Variants in ERBB4 observed in about 807,000 individuals in gnomAD.
The protein encoded by ERBB4 is receptor tyrosine-protein kinase erbB-4.
ERBB4 carries 42 observed loss-of-function variants against 158.0 expected under a neutral mutation model. The ratio of observed to expected loss-of-function variants is 0.27; its 90% CI spans 0.21 to 0.34. ERBB4 has a LOEUF of 0.34. ERBB4 is among the 10% of genes least tolerant of loss of function. ERBB4 has a pLI of 1.00. For missense variants in ERBB4, 1,333 were observed against 1,624.1 expected, an observed-to-expected ratio of 0.82 and a Z score of 3.08; for synonymous variants, 583 against 558.7, an observed-to-expected ratio of 1.04 and a Z score of -0.61.
intron 12 of ERBB4, among the ~76,000 whole-genome samples, chr2:211,691,391 G>A (rs910939126): frequency 6.6e-6 from 1 of 152,088 alleles, no homozygotes; most frequent in African/African-American, 2.4e-5. Context: ...AGGCATAAAA[G>A]CATATCCCTG....
At chr2:211,713,149 T>C (rs1307096582) in intron 8 of ERBB4, among the ~76,000 whole-genome samples, 1 of 152,188 alleles carries the variant, frequency 6.6e-6, no homozygotes, top group Non-Finnish European at 1.5e-5. Context: ...TCTGGATCTC[T>C]TTTTATGCTT....
At chr2:212,220,095 T>G (rs921807275) in intron 1 of ERBB4, among the ~76,000 whole-genome samples, 10 of 151,280 alleles carry the variant, frequency 6.6e-5, no homozygotes, top group Non-Finnish European at 1.2e-4. Context: ...GGATAATAAA[T>G]CACTTTTGTA....
intron 20 of ERBB4, among the ~76,000 whole-genome samples, chr2:211,537,060 AAAGT>A (rs151240813): frequency 0.29 from 44,770 of 151,764 alleles, 7,262 homozygotes; most frequent in East Asian, 0.61. Context: ...ATATTCAAAC[AAAGT>A]AAGAGTAAAA....
At chr2:211,470,302 T>C (rs902957281) in intron 20 of ERBB4, among the ~76,000 whole-genome samples, 7 of 152,296 alleles carry the variant, frequency 4.6e-5, no homozygotes, top group African/African-American at 1.4e-4. Flanking sequence ...ACAATGTTAG[T>C]GGCACTAGCA....
intron 1 of ERBB4, among the ~76,000 whole-genome samples, chr2:212,216,647 A>G (rs2083108313): frequency 6.6e-6 from 1 of 151,470 alleles, no homozygotes; most frequent in African/African-American, 2.4e-5. Context: ...ATAGGTTAAT[A>G]TGAACTCAAA....
intron 2 of ERBB4, among the ~76,000 whole-genome samples, chr2:212,054,547 A>G (rs900929229): frequency 8.6e-5 from 13 of 151,894 alleles, no homozygotes; most frequent in African/African-American, 2.9e-4. Context: ...TATTTGAAAA[A>G]CTCAGGATAA....
In ERBB4 at chr2:212,197,519, C is replaced by A. The variant is rs371983860; in HGVS notation, c.83-72616G>T. 3.3e-5 allele frequency among the ~76,000 whole-genome samples: 5 copies of A among 152,248 alleles called. No individual in the cohort carries two copies. In the South Asian group the frequency reaches 1.0e-3, roughly 32 times the overall value. ...ACTGAGGCTTAACTCTCATAAATAT[C>A]TTGCTCAAAATTATTTGGCTCGTAC... is the stretch of plus-strand genomic sequence containing the variant. On this transcript the variant is annotated intron_variant, in intron 1 of 27. Transcript: ENST00000342788.
chr2:211,716,993 G>C (rs1211183228), intron 7 of ERBB4, among the ~76,000 whole-genome samples: 2 of 152,136 alleles, frequency 1.3e-5, no homozygotes, highest in Non-Finnish European at 2.9e-5. Flanking sequence ...CAGCTTTCAG[G>C]TGAATCACTA....
chr2:211,616,668 A>C (rs994289111), intron 19 of ERBB4, among the ~76,000 whole-genome samples: 3 of 152,132 alleles, frequency 2.0e-5, no homozygotes, highest in African/African-American at 7.2e-5. Flanking sequence ...TTCACCGTTG[A>C]TGTTGCCAGT....
chr2:212,398,649 GT>G (rs1272323644), intron 1 of ERBB4, among the ~76,000 whole-genome samples: 3 of 152,082 alleles, frequency 2.0e-5, no homozygotes, highest in African/African-American at 7.2e-5. Context: ...ACATTTACAT[GT>G]TTTTGTTACT....
intron 2 of ERBB4, among the ~76,000 whole-genome samples, chr2:211,999,817 T>G (rs143832520): frequency 1.6e-4 from 25 of 151,982 alleles, no homozygotes; most frequent in African/African-American, 6.0e-4. Context: ...CTATTCATTT[T>G]ACTGTAGAAT....
intron 1 of ERBB4, among the ~76,000 whole-genome samples, chr2:212,211,804 G>A (rs1028161940): frequency 6.6e-6 from 1 of 151,954 alleles, no homozygotes; most frequent in Non-Finnish European, 1.5e-5. Flanking sequence ...TTATGAGTGA[G>A]AACATGCAGT....
In ERBB4 at chr2:212,209,235, T is replaced by A. The variant is rs376841967; in HGVS notation, c.83-84332A>T. 3.3e-5 allele frequency among the ~76,000 whole-genome samples: 5 copies of A among 152,306 alleles called. No individual in the cohort carries two copies. In the South Asian group the frequency reaches 1.0e-3, roughly 32 times the overall value. On this transcript the variant is annotated intron_variant, in intron 1 of 27. Transcript: ENST00000342788. ...GCTGCATATGAAACATTCTCCTTAC[T>A]TAATAGCAATATAGAACTGAATGGT...
Position 212,398,400 on chromosome 2 carries a change from T to C in ERBB4, c.82+140049A>G, listed in dbSNP as rs186900037. 2.4e-4 allele frequency among the ~76,000 whole-genome samples: 37 copies of C among 152,248 alleles called. No homozygotes were observed. In the East Asian group the frequency reaches 6.6e-3, roughly 27 times the overall value. On this transcript the variant is annotated intron_variant, in intron 1 of 27. Transcript: ENST00000342788. The stretch of plus-strand genomic sequence containing the variant: ...CCAACATAAGAAAAGCTGATGTCAC[T>C]TAAAGATTTCCACACTTCTCTGAAA...
At chr2:212,463,970 T>TA (rs143140393) in intron 1 of ERBB4, among the ~76,000 whole-genome samples, 4,460 of 152,256 alleles carry the variant, frequency 0.029, 91 homozygotes, top group Middle Eastern at 0.079. Flanking sequence ...TACCCAGTGA[T>TA]ACATTCTGCA....
In ERBB4 at chr2:211,997,102, C is replaced by G. The variant is rs2082217663; in HGVS notation, c.235-49486G>C. Among the ~76,000 whole-genome samples the G allele has an allele frequency of 3.3e-5, 5 of 151,462 alleles. No individual in the cohort carries two copies. The South Asian group carries it at 1.0e-3, about 32-fold the overall frequency. Reference sequence around the variant, plus strand: ...AACTGAGGAAACAAGATGAAGAGAGCATTGGTCAATGTATCTAGTGTCTTG... The same window carrying G: ...AACTGAGGAAACAAGATGAAGAGAGGATTGGTCAATGTATCTAGTGTCTTG... On this transcript the variant is annotated intron_variant, in intron 2 of 27. Coordinates refer to ENST00000342788, the MANE Select transcript of ERBB4 (RefSeq NM_005235.3).
intron 20 of ERBB4, among the ~76,000 whole-genome samples, chr2:211,509,193 G>A (rs1308346169): frequency 6.6e-6 from 1 of 151,930 alleles, no homozygotes; most frequent in African/African-American, 2.4e-5. Flanking sequence ...CGGGGAGTGG[G>A]GGACAAGGGG....
chr2:211,680,813 T>C (rs1279205156), intron 12 of ERBB4, among the ~76,000 whole-genome samples: 1 of 152,172 alleles, frequency 6.6e-6, no homozygotes, highest in Non-Finnish European at 1.5e-5. Context: ...TTCAGCATAG[T>C]TTAAGAGAGA....
intron 5 of ERBB4, among the ~76,000 whole-genome samples, chr2:211,726,781 T>C (rs576429895): frequency 2.0e-5 from 3 of 152,254 alleles, no homozygotes; most frequent in Non-Finnish European, 4.4e-5. Context: ...CGCCTATAAA[T>C]CAGTGTTGAT....
Sources: gnomAD v4.1 joint callset for allele counts (sites outside exome capture counted in the v4.1 genomes callset) on GRCh38, gnomAD v4.1.1 for gene constraint, MANE v1.5 for transcripts, NCBI Gene and HGNC (gene_info 2026-07-23, HGNC 2026-07-21) for gene names.